HEATR1: variants seen among roughly 807,000 people sequenced by gnomAD.
HEATR1 encodes the protein HEAT repeat containing 1.
HEATR1 carries 77 observed loss-of-function variants against 248.2 expected under a neutral mutation model. That is an observed-to-expected ratio of 0.31 (90% CI 0.26 to 0.37). HEATR1 has a LOEUF of 0.37. HEATR1 is among the 10% of genes least tolerant of loss of function. The probability of loss-of-function intolerance (pLI) is 1.00; values close to 1 mark genes in which losing one functional copy is unlikely to be tolerated. For missense variants in HEATR1, 2,420 were observed against 2,504.9 expected (o/e 0.97, Z 0.72); for synonymous variants, 897 against 923.1 (o/e 0.97, Z 0.51).
chr1:236,557,177 G>T lies in HEATR1; in HGVS notation c.5355+18C>A. ...CCCCAGCCACCCTGCGTAGCATGTC[G>T]TGGCTATCGTGGCTCACCTGGGAGA... On this transcript the variant is annotated intron_variant, in intron 37 of 44. Coordinates refer to ENST00000366582, the MANE Select transcript of HEATR1 (RefSeq NM_018072.6). 6.2e-7 allele frequency: 1 copy of T among 1,612,500 alleles called. No individual in the cohort carries two copies. The highest frequency in any genetic ancestry group is 8.5e-7 in the Non-Finnish European group (1 of 1,179,154).
chr1:236,590,113 T>C (rs1284883434), intron 12 of HEATR1, among the ~76,000 whole-genome samples: 4 of 152,236 alleles, frequency 2.6e-5, no homozygotes, highest in Non-Finnish European at 5.9e-5. Flanking sequence ...TTGAAACCAC[T>C]AACATTTTAA....
chr1:236,578,905 G>T (rs555405552), intron 20 of HEATR1, among the ~76,000 whole-genome samples: 1 of 152,100 alleles, frequency 6.6e-6, no homozygotes, highest in Non-Finnish European at 1.5e-5. Flanking sequence ...TTTTTAAAAA[G>T]ATGTCTTTGG....
In HEATR1 at chr1:236,550,925, C is replaced by G. The variant is rs1328302608; in HGVS notation, c.6412G>C (p.Glu2138Gln). Residue 2138 changes from glutamate (E) to glutamine (Q), a missense_variant, in exon 45 of 45, where the codon GAG becomes CAG. By Grantham distance (29) the Glu-to-Gln change is conservative. Transcript: ENST00000366582. ...TIQQLETVLG[E>Q]PLQSYF is the part of the protein sequence containing the mutation. ...TCTTAGAAATAGCTCTGGAGTGGCTCTCCCAGGACAGTTTCCAGTTGCTGA... is the reference window on the plus strand; with the variant it reads ...TCTTAGAAATAGCTCTGGAGTGGCTGTCCCAGGACAGTTTCCAGTTGCTGA... 6.2e-7 allele frequency: 1 copy of G among 1,610,416 alleles called. No homozygotes were observed. Among genetic ancestry groups the G allele is most frequent in the Middle Eastern group, 1.7e-4 (1 of 6,038 alleles).
At chr1:236,585,776 T>G (rs148203549) in intron 16 of HEATR1, 44 bp downstream of exon 16, 2 of 1,591,298 alleles carry the variant, frequency 1.3e-6, no homozygotes, top group Non-Finnish European at 1.7e-6. Context: ...TTAATAAGAG[T>G]ATGAGAAAGA....
Position 236,572,498 on chromosome 1 carries a change from A to G in HEATR1, c.3620T>C (p.Val1207Ala), listed in dbSNP as rs1401272200. Residue 1207 changes from valine (V) to alanine (A), a missense_variant, in exon 26 of 45, where the codon GTA (valine) becomes GCA (alanine). Transcript: ENST00000366582. ...CTGCAGTAATTCCAGGATGAGAGTT[A>G]CTCTTTGCCAGTAAGAACCTCCAAC... is the stretch of plus-strand genomic sequence containing the variant. ...QEVGGSYWQR[V>A]TLILELLQHK... 6.2e-7 allele frequency: 1 copy of G among 1,614,000 alleles called. No homozygotes were observed. The highest frequency in any genetic ancestry group is 2.2e-5 in the East Asian group (1 of 44,872).
Position 236,558,277 on chromosome 1 carries a change from T to C in HEATR1, c.5164A>G (p.Thr1722Ala). The C allele has an allele frequency of 6.2e-7, 1 of 1,613,844 alleles. No individual in the cohort carries two copies. The highest frequency in any genetic ancestry group is 8.5e-7 in the Non-Finnish European group (1 of 1,179,954). ...GSALLCIAEV[T>A]STLEALAIPQ... is the part of the protein sequence containing the mutation. ...ATGGCCAGCGCCTCCAGGGTGGAGG[T>C]CACCTCTGCTATGCACAGCAGCGCG... Residue 1722 changes from threonine (T) to alanine (A), a missense_variant, in exon 36 of 45, where the codon ACC becomes GCC. By Grantham distance (58) the Thr-to-Ala change is moderately conservative (BLOSUM62 0). Transcript: ENST00000366582.
chr1:236,590,353 A>G (rs1663999872), intron 12 of HEATR1, among the ~76,000 whole-genome samples: 1 of 152,010 alleles, frequency 6.6e-6, no homozygotes, highest in South Asian at 2.1e-4. Context: ...TCAGCCTCTC[A>G]AGTAGCTGGG....
In HEATR1 at chr1:236,592,491, T is replaced by C. The variant is rs781560206; in HGVS notation, c.1304+32A>G. The C allele has an allele frequency of 4.5e-5, 39 of 861,838 alleles. 2 individuals carry two copies. The highest frequency in any genetic ancestry group is 4.3e-4 in the Middle Eastern group (2 of 4,606). The allele number at this position is 861,838 out of a possible 1,614,324, so 53.4% of individuals were successfully genotyped here. A position where few individuals can be genotyped will look rare whatever the true frequency, so the allele number is the denominator to read the frequency against. Reference sequence around the variant, plus strand: ...TATCTTTATAGAACAGGAAGTACTTTAGAAGAGCATAAACATACACACGTA... The same window carrying C: ...TATCTTTATAGAACAGGAAGTACTTCAGAAGAGCATAAACATACACACGTA... On this transcript the variant is annotated intron_variant, in intron 10 of 44. Coordinates refer to ENST00000366582, the MANE Select transcript of HEATR1 (RefSeq NM_018072.6).
At chr1:236,554,784 A>C in intron 41 of HEATR1, 32 bp from the exon 42 acceptor site, 1 of 1,571,546 alleles carries the variant, frequency 6.4e-7, no homozygotes, top group Non-Finnish European at 8.6e-7. Flanking sequence ...AAATGAAAAA[A>C]CACTGAACTT....
At chr1:236,593,452 C>A (rs978009527) in intron 9 of HEATR1, among the ~76,000 whole-genome samples, 2 of 152,198 alleles carry the variant, frequency 1.3e-5, no homozygotes, top group African/African-American at 4.8e-5. Context: ...CTTGATCCTA[C>A]AAAATGGCAA....
chr1:236,583,704 C>A (rs991220843), intron 17 of HEATR1, among the ~76,000 whole-genome samples: 1 of 151,986 alleles, frequency 6.6e-6, no homozygotes, highest in African/African-American at 2.4e-5. Flanking sequence ...CCAGGTTGGT[C>A]TCGAACTCCT....
At chr1:236,578,444 C>T (rs932600372) in intron 20 of HEATR1, among the ~76,000 whole-genome samples, 8 of 152,124 alleles carry the variant, frequency 5.3e-5, no homozygotes, top group Non-Finnish European at 1.2e-4. Context: ...GAAGTGAAAA[C>T]GCTAGCTTTT....
chr1:236,571,212 G>C (rs1006869695), intron 28 of HEATR1, 139 bp downstream of exon 28: 1 of 1,038,846 alleles, frequency 9.6e-7, no homozygotes, highest in Non-Finnish European at 1.4e-6. Context: ...GCTATGAAGA[G>C]GCAGGGCTGA....
Position 236,552,060 on chromosome 1 carries a change from T to C in HEATR1, c.6285A>G (p.Leu2095=). 2 of 1,613,812 alleles carry C rather than the reference T, an allele frequency of 1.2e-6. No homozygotes were observed. Among genetic ancestry groups the C allele is most frequent in the Non-Finnish European group, 8.5e-7 (1 of 1,179,880 alleles). Residue 2095 remains leucine (L), a synonymous_variant, in exon 44 of 45, where the codon CTA becomes CTG. Coordinates refer to ENST00000366582, the MANE Select transcript of HEATR1 (RefSeq NM_018072.6). The part of the protein sequence containing the change: ...LITVLALAEK[L]KENYIVLLPE... The stretch of plus-strand genomic sequence containing the variant: ...GTAGCAAGACAATATAATTCTCCTT[T>C]AGTTTTTCAGCCAGTGCTAACACAG...
At chr1:236,567,843 T>C (rs1233890259) in intron 29 of HEATR1, among the ~76,000 whole-genome samples, 1 of 152,242 alleles carries the variant, frequency 6.6e-6, no homozygotes, top group Non-Finnish European at 1.5e-5. Flanking sequence ...AGGATTTGGG[T>C]TGTGCCTCAA....
At chr1:236,572,050 T>A (rs1663443501) in intron 26 of HEATR1, among the ~76,000 whole-genome samples, 1 of 152,166 alleles carries the variant, frequency 6.6e-6, no homozygotes, top group African/African-American at 2.4e-5. Context: ...AATATATACA[T>A]CTATATATAT....
In HEATR1 at chr1:236,603,325, A is replaced by C. The variant is rs756750583; in HGVS notation, c.194T>G (p.Phe65Cys). 6.2e-7 allele frequency: 1 copy of C among 1,614,052 alleles called. No homozygotes were observed. Among genetic ancestry groups the C allele is most frequent in the Non-Finnish European group, 8.5e-7 (1 of 1,180,026 alleles). ...TAGCTGACTGAACAACGGTGCTTCA[A>C]ACTGCTCAAAGGAAGGATCAATTCC... Reference protein sequence around the residue: ...LLGIDPSFEQFEAPLFSQLAK... With the variant: ...LLGIDPSFEQCEAPLFSQLAK... Residue 65 changes from phenylalanine (F) to cysteine (C), a missense_variant, in exon 3 of 45, where the codon TTT (phenylalanine) becomes TGT (cysteine). Coordinates refer to ENST00000366582, the MANE Select transcript of HEATR1 (RefSeq NM_018072.6).
At chr1:236,565,331 G>T (rs1469605000) in intron 31 of HEATR1, among the ~76,000 whole-genome samples, 1 of 152,024 alleles carries the variant, frequency 6.6e-6, no homozygotes, top group Non-Finnish European at 1.5e-5. Flanking sequence ...ATGAAAAAAA[G>T]TTTTTTTTAG....
At position 236,555,331 on chromosome 1, in the gene HEATR1, G is replaced by C; in HGVS notation, c.5888C>G (p.Ala1963Gly). 1 of 1,614,180 alleles carries C rather than the reference G, an allele frequency of 6.2e-7. No homozygotes were observed. The change falls in exon 41 of 45, where the codon GCT becomes GGT. Residue 1963 changes from alanine (A) to glycine (G), a missense_variant. Transcript: ENST00000366582. ...GATGTTCACCTGGTTCAAGGTGTCA[G>C]CAAAAGGCTTCACTAAGTGGCCGGC... ...LFAGHLVKPF[A>G]DTLNQVNISK...
Sources: gnomAD v4.1 joint callset for allele counts (sites outside exome capture counted in the v4.1 genomes callset) on GRCh38, gnomAD v4.1.1 for gene constraint, MANE v1.5 for transcripts, NCBI Gene and HGNC (gene_info 2026-07-23, HGNC 2026-07-21) for gene names.